Variants in TANC2 observed in about 807,000 individuals in gnomAD.
TANC2 encodes the protein tetratricopeptide repeat, ankyrin repeat and coiled-coil containing 2.
Under a neutral mutation model 210.5 loss-of-function variants are expected in TANC2, and 26 were observed. The observed-to-expected ratio is 0.12, with a 90% CI of 0.09 to 0.17. The LOEUF is 0.17. Among genes scored for constraint, TANC2 ranks in the 10% least tolerant of loss-of-function variants. The pLI is 1.00. For missense variants in TANC2, 2,129 were observed against 2,608.9 expected (o/e 0.82, Z 4.01); for synonymous variants, 931 against 967.1 (o/e 0.96, Z 0.69).
At chr17:63,354,936 A>G in exon 14 of TANC2, 2 of 1,613,894 alleles carry the variant, frequency 1.2e-6, no homozygotes, top group Non-Finnish European at 1.7e-6. Context: ...CAAAATGGAC[A>G]ATACTACATT....
intron 5 of TANC2, among the ~76,000 whole-genome samples, chr17:63,190,743 AAAG>A (rs200610508): frequency 0.012 from 1,814 of 152,316 alleles, 13 homozygotes; most frequent in African/African-American, 0.019. Flanking sequence ...CCCTGCAAAA[AAAG>A]AAGATTTGAT....
chr17:63,396,418 G>T (rs2048159405), intron 18 of TANC2: 1 of 160,990 alleles, frequency 6.2e-6, no homozygotes. Context: ...CAAGGCTGTT[G>T]TAAGGGATGC....
intron 2 of TANC2, among the ~76,000 whole-genome samples, chr17:63,044,738 A>G (rs1451286509): frequency 6.6e-6 from 1 of 152,156 alleles, no homozygotes. Flanking sequence ...TCCAGTAGTC[A>G]TATGGTCAGA....
chr17:63,403,753 T>C (rs1045304976), intron 19 of TANC2, among the ~76,000 whole-genome samples: 4 of 152,228 alleles, frequency 2.6e-5, no homozygotes, highest in African/African-American at 4.8e-5. Flanking sequence ...AGTGCATGTA[T>C]CTTCTAAAAT....
chr17:63,319,765 AT>A (rs1249141586), intron 11 of TANC2, among the ~76,000 whole-genome samples: 3 of 152,302 alleles, frequency 2.0e-5, no homozygotes, highest in Non-Finnish European at 4.4e-5. Flanking sequence ...TTTTTTATAC[AT>A]TTGAGTTTGA....
chr17:63,007,045 G>GTC (rs1568311977), intron 1 of TANC2, among the ~76,000 whole-genome samples: 1 of 148,284 alleles, frequency 6.7e-6, no homozygotes, highest in Non-Finnish European at 1.5e-5. Flanking sequence ...GGGAAACATA[G>GTC]TAAGACCCCA....
At chr17:63,114,769 T>G (rs2145070158) in intron 4 of TANC2, among the ~76,000 whole-genome samples, 1 of 152,310 alleles carries the variant, frequency 6.6e-6, no homozygotes, top group East Asian at 1.9e-4. Context: ...TAAAACTGTA[T>G]AAGTTTTAGC....
chr17:63,038,141 TATG>T (rs1000974990), intron 2 of TANC2, among the ~76,000 whole-genome samples: 3 of 152,200 alleles, frequency 2.0e-5, no homozygotes, highest in Admixed American at 6.5e-5. Context: ...CACCAATAAA[TATG>T]ATGCTAGCTG....
intron 2 of TANC2, among the ~76,000 whole-genome samples, chr17:63,043,715 A>G (rs916209584): frequency 6.6e-6 from 1 of 152,154 alleles, no homozygotes. Flanking sequence ...TTTCTGCTAC[A>G]TCTTTCAAAA....
Position 63,195,861 on chromosome 17 carries a change from T to C in TANC2, c.582+1722T>C, listed in dbSNP as rs563443339. 7.9e-5 allele frequency among the ~76,000 whole-genome samples: 12 copies of C among 152,260 alleles called. No homozygotes were observed. The East Asian group carries it at 2.1e-3, about 27-fold the overall frequency. ...AGAAGGCTACACCTGATCTAGCCAC[T>C]TGCTACCTCTCCTACATCACTTCCT... On this transcript the variant is annotated intron_variant, in intron 6 of 27. Coordinates refer to ENST00000689528, the Ensembl canonical transcript of TANC2.
At position 62,987,086 on chromosome 17, in the gene TANC2, C is replaced by T. The variant is rs764309316; in HGVS notation, c.-24+20337C>T. Among the ~76,000 whole-genome samples, 14 of 152,244 alleles carry T rather than the reference C, an allele frequency of 9.2e-5. No homozygotes were observed. The South Asian group carries it at 1.0e-3, about 11-fold the overall frequency. ...TACTCAGAGACTTGAGGGCCTCTCC[C>T]GCTGGGGGAGTACATGCAACAGTTT... On this transcript the variant is annotated intron_variant, in intron 1 of 27. Transcript: ENST00000689528.
chr17:63,331,555 T>C (rs191298710), intron 11 of TANC2, among the ~76,000 whole-genome samples: 1 of 152,294 alleles, frequency 6.6e-6, no homozygotes, highest in Non-Finnish European at 1.5e-5. Context: ...GTATTACTGG[T>C]GAGGAAGCCA....
rs2046519022 is a variant in TANC2 at position 63,349,287 on chromosome 17, A to G, written c.1808-1963A>G. ...ATGTAATTTTATTAGCAAATGAATT[A>G]TTCATTCATTAAAATGTCTGGACCA... On this transcript the variant is annotated intron_variant, in intron 12 of 27. Transcript: ENST00000689528. Among the ~76,000 whole-genome samples the G allele has an allele frequency of 3.3e-5, 5 of 152,232 alleles. 1 individual carries two copies. The South Asian group carries it at 1.0e-3, about 32-fold the overall frequency.
At chr17:63,217,111 T>A (rs1289834065) in intron 7 of TANC2, among the ~76,000 whole-genome samples, 1 of 152,212 alleles carries the variant, frequency 6.6e-6, no homozygotes, top group Non-Finnish European at 1.5e-5. Flanking sequence ...GAGCTTTTTT[T>A]AGAAAGCAAG....
At chr17:63,003,926 C>G (rs1474957318) in intron 1 of TANC2, among the ~76,000 whole-genome samples, 3 of 151,932 alleles carry the variant, frequency 2.0e-5, no homozygotes, top group Non-Finnish European at 2.9e-5. Context: ...ACTCTGCTTT[C>G]TTGAAGATAC....
intron 13 of TANC2, among the ~76,000 whole-genome samples, chr17:63,352,599 C>T (rs1392028820): frequency 1.3e-5 from 2 of 152,146 alleles, no homozygotes; most frequent in Admixed American, 6.5e-5. Context: ...ATGTTATCCT[C>T]ATACATATTC....
At chr17:62,985,602 T>C (rs2032528762) in intron 1 of TANC2, among the ~76,000 whole-genome samples, 1 of 152,148 alleles carries the variant, frequency 6.6e-6, no homozygotes. Context: ...AAATGACCTG[T>C]CATCAGAGTT....
At chr17:63,408,701 A>G (rs1206337407) in intron 21 of TANC2, among the ~76,000 whole-genome samples, 2 of 152,208 alleles carry the variant, frequency 1.3e-5, no homozygotes, top group Non-Finnish European at 2.9e-5. Flanking sequence ...ATAGACTCTA[A>G]TGACCTCCAG....
chr17:63,388,705 G>A (rs754333999), exon 16 of TANC2: 2 of 1,600,312 alleles, frequency 1.2e-6, no homozygotes, highest in Non-Finnish European at 1.7e-6. Flanking sequence ...AGCACAGAAG[G>A]TCTTTCCATG....
Sources: gnomAD v4.1 joint callset for allele counts (sites outside exome capture counted in the v4.1 genomes callset) on GRCh38, gnomAD v4.1.1 for gene constraint, MANE v1.5 for transcripts, NCBI Gene and HGNC (gene_info 2026-07-23, HGNC 2026-07-21) for gene names.